TFDP1: variants seen among roughly 807,000 people sequenced by gnomAD.
TFDP1 encodes the protein transcription factor Dp-1.
In TFDP1, 6 loss-of-function variants were observed where a neutral mutation model predicts 48.0. That is an observed-to-expected ratio of 0.13 (90% CI 0.07 to 0.25). The LOEUF (loss-of-function observed/expected upper bound fraction) is 0.25, where lower values mean the gene tolerates loss of function less well. Among genes scored for constraint, TFDP1 ranks in the 10% least tolerant of loss-of-function variants. The pLI, the probability that TFDP1 is intolerant of heterozygous loss-of-function variation, is 1.00. For missense variants in TFDP1, 335 were observed against 543.0 expected (o/e 0.62, Z 3.81); for synonymous variants, 201 against 211.6 (o/e 0.95, Z 0.44).
intron 2 of TFDP1, among the ~76,000 whole-genome samples, chr13:113,599,270 G>A (rs1253888079): frequency 6.6e-5 from 10 of 151,972 alleles, no homozygotes; most frequent in Non-Finnish European, 1.0e-4. Flanking sequence ...CTGGTGCCTC[G>A]TCCCTGTCAC....
chr13:113,638,985 C>G (rs1015410517), intron 11 of TFDP1, among the ~76,000 whole-genome samples: 2 of 152,154 alleles, frequency 1.3e-5, no homozygotes, highest in African/African-American at 4.8e-5. Context: ...TGAGATGTAA[C>G]AGGTGTGTCG....
In TFDP1 at chr13:113,623,107, A is replaced by G. The variant is rs1002248085; in HGVS notation, c.80-73A>G. 1.1e-4 allele frequency: 148 copies of G among 1,373,336 alleles called. 1 individual carries two copies. The highest frequency in any genetic ancestry group is 3.7e-4 in the East Asian group (15 of 40,392). The allele number at this position is 1,373,336 out of a possible 1,614,324, so 85.1% of individuals were successfully genotyped here. On this transcript the variant is annotated intron_variant, in intron 3 of 11. Coordinates refer to ENST00000375370, the MANE Select transcript of TFDP1 (RefSeq NM_007111.5). The surrounding 1 kb of genome is among the most constrained non-coding windows in gnomAD (Gnocchi z 5.2). ...TCTCTAATTGCAAGCACCGTCTTGC[A>G]TTTAGAATGGTCGCTTGTAGCCTTA...
intron 4 of TFDP1, among the ~76,000 whole-genome samples, chr13:113,626,887 G>A (rs995775817): frequency 2.0e-5 from 3 of 152,176 alleles, no homozygotes; most frequent in Non-Finnish European, 4.4e-5. Flanking sequence ...GTGAATAATT[G>A]TAGCACCACT....
intron 2 of TFDP1, among the ~76,000 whole-genome samples, chr13:113,599,049 A>AT (rs1246103754): frequency 7.9e-5 from 12 of 152,204 alleles, no homozygotes; most frequent in East Asian, 5.8e-4. Flanking sequence ...CTTTTTGGTG[A>AT]TTGTTTCTGG....
At chr13:113,592,447 G>T (rs578260541) in intron 2 of TFDP1, among the ~76,000 whole-genome samples, 1 of 152,216 alleles carries the variant, frequency 6.6e-6, no homozygotes, top group Non-Finnish European at 1.5e-5. Context: ...GTGAGCCACC[G>T]CGCCTGGCCA....
intron 3 of TFDP1, among the ~76,000 whole-genome samples, chr13:113,619,481 CAAAAAAAA>C (rs1162300447): frequency 1.8e-5 from 2 of 110,500 alleles, no homozygotes; most frequent in East Asian, 2.7e-4. Flanking sequence ...AAAAAAAAAA[CAAAAAAAA>C]AAAAAAAAAA....
At chr13:113,606,990 G>C (rs72668786) in intron 2 of TFDP1, among the ~76,000 whole-genome samples, 2 of 152,212 alleles carry the variant, frequency 1.3e-5, no homozygotes, top group Non-Finnish European at 2.9e-5. Context: ...TCATCCGCCA[G>C]CTCTGGAGAG....
In TFDP1 at chr13:113,584,930, G is replaced by C. The variant is rs1457688511; in HGVS notation, c.-65+42G>C. On this transcript the variant is annotated intron_variant, in intron 1 of 11. Coordinates refer to ENST00000375370, the MANE Select transcript of TFDP1 (RefSeq NM_007111.5). ...GATGCCGCGGGAGCCGCGGGCGGGA[G>C]CCGGGGGTGCGGGCGGGACCCCCGG... The C allele has an allele frequency of 1.6e-4, 24 of 146,450 alleles. No homozygotes were observed. In the South Asian group the frequency reaches 1.7e-3, roughly 10 times the overall value. The allele number at this position is 146,450 out of a possible 1,614,324, so 9.1% of individuals were successfully genotyped here. A position where few individuals can be genotyped will look rare whatever the true frequency, so the allele number is the denominator to read the frequency against.
At chr13:113,634,906 TG>T (rs1566676869) in intron 8 of TFDP1, among the ~76,000 whole-genome samples, 1 of 151,972 alleles carries the variant, frequency 6.6e-6, no homozygotes, top group Non-Finnish European at 1.5e-5. Context: ...TGCATGTGCC[TG>T]TGTGCGTGTG....
At position 113,627,014 on chromosome 13, in the gene TFDP1, C is replaced by T. The variant is rs142362085; in HGVS notation, c.186+3728C>T. Among the ~76,000 whole-genome samples the T allele has an allele frequency of 2.6e-5, 4 of 152,310 alleles. No individual in the cohort carries two copies. Among genetic ancestry groups the T allele is most frequent in the East Asian group, 1.9e-4 (1 of 5,186 alleles). On this transcript the variant is annotated intron_variant, in intron 4 of 11. Transcript: ENST00000375370. The surrounding 1 kb of genome is among the most constrained non-coding windows in gnomAD (Gnocchi z 4.1). ...AGTTCCTGATTTAAATTCAGCTGTT[C>T]GGGTGGAGTTTGTCATTGCTGTTTT... is the stretch of plus-strand genomic sequence containing the variant.
chr13:113,594,590 C>T (rs1395820677), intron 2 of TFDP1, among the ~76,000 whole-genome samples: 1 of 152,186 alleles, frequency 6.6e-6, no homozygotes, highest in African/African-American at 2.4e-5. Flanking sequence ...TGCATGAGTC[C>T]TCAGCCCTGC....
chr13:113,601,022 A>G (rs558350244), intron 2 of TFDP1, among the ~76,000 whole-genome samples: 2 of 152,232 alleles, frequency 1.3e-5, no homozygotes, highest in South Asian at 4.2e-4. Context: ...GCTCACTCGG[A>G]GCGTGTTTGT....
intron 2 of TFDP1, among the ~76,000 whole-genome samples, chr13:113,601,273 C>G (rs929358914): frequency 6.9e-6 from 1 of 145,916 alleles, no homozygotes; most frequent in African/African-American, 2.6e-5. Flanking sequence ...TTCAGCCTGT[C>G]CCGGGCGGCC....
At position 113,591,065 on chromosome 13, in the gene TFDP1, C is replaced by T. The variant is rs185066619; in HGVS notation, c.12+5216C>T. Among the ~76,000 whole-genome samples, 54 of 148,832 alleles carry T rather than the reference C, an allele frequency of 3.6e-4. No homozygotes were observed. The East Asian group carries it at 6.8e-3, about 19-fold the overall frequency. The stretch of plus-strand genomic sequence containing the variant: ...AATTATAGGTTAATTAAAAGTTTTG[C>T]CCCTGCTGGGCACGGTGGCTCATGC... On this transcript the variant is annotated intron_variant, in intron 2 of 11. Coordinates refer to ENST00000375370, the MANE Select transcript of TFDP1 (RefSeq NM_007111.5).
chr13:113,639,187 C>T (rs563544473), intron 11 of TFDP1, among the ~76,000 whole-genome samples: 7 of 152,328 alleles, frequency 4.6e-5, no homozygotes, highest in South Asian at 2.1e-4. Flanking sequence ...TATGTGTGAA[C>T]GTGTGGCGGT....
chr13:113,637,312 A>G, intron 10 of TFDP1: 1 of 262,824 alleles, frequency 3.8e-6, no homozygotes, highest in Non-Finnish European at 7.5e-6. Flanking sequence ...GTGTAGATTT[A>G]TTCCCTGAGA....
At position 113,601,402 on chromosome 13, in the gene TFDP1, C is replaced by G. The variant is rs528362983; in HGVS notation, c.13-9594C>G. The stretch of plus-strand genomic sequence containing the variant: ...GTGGGGGTGTGTTCTTGCACTTTGC[C>G]TTGTGGGCCCCTGCGTAGGGCAGCT... On this transcript the variant is annotated intron_variant, in intron 2 of 11. Coordinates refer to ENST00000375370, the MANE Select transcript of TFDP1 (RefSeq NM_007111.5). Among the ~76,000 whole-genome samples, 24 of 70,604 alleles carry G rather than the reference C, an allele frequency of 3.4e-4. 1 individual carries two copies. The South Asian group carries it at 6.2e-3, about 18-fold the overall frequency. The allele number at this position is 70,604 out of a possible 152,430, so 46.3% of individuals were successfully genotyped here.
intron 3 of TFDP1, among the ~76,000 whole-genome samples, chr13:113,618,542 T>G (rs1047504980): frequency 6.6e-6 from 1 of 152,104 alleles, no homozygotes; most frequent in Admixed American, 6.5e-5. Context: ...CTACTACTAC[T>G]AATTGAAATA....
intron 2 of TFDP1, 66 bp downstream of exon 2, chr13:113,585,915 G>A: frequency 6.5e-7 from 1 of 1,546,242 alleles, no homozygotes; most frequent in Non-Finnish European, 8.9e-7. Flanking sequence ...GTAGTTCTCT[G>A]CCTTTATTTC....
Sources: allele counts gnomAD v4.1 joint callset (sites outside exome capture counted in the v4.1 genomes callset), GRCh38; gene constraint gnomAD v4.1.1; non-coding constraint Gnocchi (gnomAD v3.1); transcripts MANE v1.5; gene names NCBI Gene and HGNC (gene_info 2026-07-23, HGNC 2026-07-21).